The following CMTM8 variants were observed in gnomAD, a reference collection of about 807,000 sequenced individuals.
The protein encoded by CMTM8 is CKLF like MARVEL transmembrane domain containing 8, also known as CKLF-like MARVEL transmembrane domain-containing protein 8.
A neutral mutation model predicts 18.6 loss-of-function variants in CMTM8; 12 were observed. That is an observed-to-expected ratio of 0.65 (90% CI 0.41 to 1.05). CMTM8 has a LOEUF of 1.05. Among genes scored for constraint, CMTM8 ranks in the 50% least tolerant of loss-of-function variants. The probability of loss-of-function intolerance (pLI) is 0.00; values close to 1 mark genes in which losing one functional copy is unlikely to be tolerated. For synonymous variants in CMTM8, 87 were observed against 90.6 expected (o/e 0.96, Z 0.23); for missense variants, 217 against 227.2 (o/e 0.95, Z 0.29).
At chr3:32,309,963 C>G (rs1014927317) in intron 1 of CMTM8, among the ~76,000 whole-genome samples, 7 of 152,212 alleles carry the variant, frequency 4.6e-5, no homozygotes, top group African/African-American at 1.7e-4. Context: ...CTGGTCAGCC[C>G]TGCTTTCTGC....
chr3:32,249,902 A>G (rs1037963860), intron 1 of CMTM8, among the ~76,000 whole-genome samples: 4 of 152,166 alleles, frequency 2.6e-5, no homozygotes, highest in Middle Eastern at 3.2e-3. Flanking sequence ...TCCAATTTTT[A>G]TAGTTTTTCT....
chr3:32,245,151 T>TCC (rs1701992878), intron 1 of CMTM8, among the ~76,000 whole-genome samples: 1 of 152,134 alleles, frequency 6.6e-6, no homozygotes, highest in African/African-American at 2.4e-5. Flanking sequence ...TTTCAAACCT[T>TCC]TGCAATCCCA....
At chr3:32,325,396 T>G (rs1441073310) in intron 1 of CMTM8, among the ~76,000 whole-genome samples, 2 of 152,236 alleles carry the variant, frequency 1.3e-5, no homozygotes, top group Non-Finnish European at 2.9e-5. Context: ...TAAAAGGCCA[T>G]GCTGAGCCAT....
At chr3:32,280,543 C>T (rs778974628) in intron 1 of CMTM8, among the ~76,000 whole-genome samples, 3 of 152,098 alleles carry the variant, frequency 2.0e-5, no homozygotes, top group Non-Finnish European at 4.4e-5. Context: ...CAGTGAGAAA[C>T]CTCTAGAAGG....
chr3:32,259,093 G>A (rs944066063), intron 1 of CMTM8: 2 of 387,320 alleles, frequency 5.2e-6, no homozygotes, highest in East Asian at 6.2e-5. Context: ...CCGGATCACC[G>A]TGTCCTGCTC....
At chr3:32,357,888 G>A (rs987658862) in intron 2 of CMTM8, among the ~76,000 whole-genome samples, 3 of 152,164 alleles carry the variant, frequency 2.0e-5, no homozygotes, top group African/African-American at 2.4e-5. Flanking sequence ...ATGCCAGGGC[G>A]CCAACCTCTG....
chr3:32,291,133 T>A (rs1254390283), intron 1 of CMTM8, among the ~76,000 whole-genome samples: 2 of 140,194 alleles, frequency 1.4e-5, no homozygotes, highest in African/African-American at 5.5e-5. Context: ...AGAGAAGAAA[T>A]TTTTTTTTTT....
intron 1 of CMTM8, among the ~76,000 whole-genome samples, chr3:32,332,208 G>C (rs1696291292): frequency 6.6e-6 from 1 of 152,328 alleles, no homozygotes; most frequent in South Asian, 2.1e-4. Flanking sequence ...TCCATATGGG[G>C]CTGGGTTAGC....
chr3:32,290,500 A>G (rs185012273), intron 1 of CMTM8, among the ~76,000 whole-genome samples: 140 of 152,338 alleles, frequency 9.2e-4, no homozygotes, highest in Middle Eastern at 3.4e-3. Context: ...AGCTGCTTCT[A>G]AAATGTGTTA....
At chr3:32,242,158 G>T (rs1408089212) in intron 1 of CMTM8, among the ~76,000 whole-genome samples, 1 of 152,142 alleles carries the variant, frequency 6.6e-6, no homozygotes, top group African/African-American at 2.4e-5. Flanking sequence ...ACAGCCTCTT[G>T]TAGTTTTCTA....
intron 1 of CMTM8, among the ~76,000 whole-genome samples, chr3:32,273,908 C>G (rs1455330443): frequency 6.6e-6 from 1 of 152,100 alleles, no homozygotes; most frequent in East Asian, 1.9e-4. Flanking sequence ...TTAACAAACT[C>G]TCAGGGTGGA....
At chr3:32,282,983 G>A (rs570273140) in intron 1 of CMTM8, among the ~76,000 whole-genome samples, 1 of 149,424 alleles carries the variant, frequency 6.7e-6, no homozygotes, top group South Asian at 2.2e-4. Flanking sequence ...TTTTTCCATA[G>A]CATTTGTTAC....
At chr3:32,315,319 G>A (rs946609512) in intron 1 of CMTM8, among the ~76,000 whole-genome samples, 2 of 151,924 alleles carry the variant, frequency 1.3e-5, no homozygotes, top group East Asian at 1.9e-4. Flanking sequence ...TATTAGAGGC[G>A]AGGTTTTACC....
intron 1 of CMTM8, among the ~76,000 whole-genome samples, chr3:32,326,262 T>G (rs74541374): frequency 0.016 from 2,499 of 152,288 alleles, 23 homozygotes; most frequent in Middle Eastern, 0.044. Context: ...GATGCCAGAA[T>G]AGGTTTTCAA....
chr3:32,330,332 A>G (rs1696248302), intron 1 of CMTM8, among the ~76,000 whole-genome samples: 1 of 151,904 alleles, frequency 6.6e-6, no homozygotes, highest in Admixed American at 6.6e-5. Context: ...CCTGATTTTA[A>G]AAGGTGATAC....
At chr3:32,314,762 C>T (rs1283023617) in intron 1 of CMTM8, among the ~76,000 whole-genome samples, 1 of 152,242 alleles carries the variant, frequency 6.6e-6, no homozygotes, top group Non-Finnish European at 1.5e-5. Flanking sequence ...CAGGCATGAG[C>T]CTCCACGCCA....
At chr3:32,283,594 G>A (rs1559369443) in intron 1 of CMTM8, among the ~76,000 whole-genome samples, 2 of 152,188 alleles carry the variant, frequency 1.3e-5, no homozygotes, top group Non-Finnish European at 2.9e-5. Context: ...CCGGGCAGTT[G>A]ACCGTCATAT....
At chr3:32,291,270 A>G (rs1702775913) in intron 1 of CMTM8, among the ~76,000 whole-genome samples, 1 of 152,068 alleles carries the variant, frequency 6.6e-6, no homozygotes, top group East Asian at 1.9e-4. Flanking sequence ...CTGGGACTAC[A>G]GGTGCCCGCC....
chr3:32,281,734 A>G (rs187780070), intron 1 of CMTM8, among the ~76,000 whole-genome samples: 3 of 152,298 alleles, frequency 2.0e-5, no homozygotes, highest in Admixed American at 2.0e-4. Context: ...TACCAAGGGC[A>G]CCAGTGACGT....
Sources: allele counts gnomAD v4.1 joint callset (sites outside exome capture counted in the v4.1 genomes callset), GRCh38; gene constraint gnomAD v4.1.1; transcripts MANE v1.5; gene names NCBI Gene and HGNC (gene_info 2026-07-23, HGNC 2026-07-21).